Variants in NDUFA12 observed in about 807,000 individuals in gnomAD.
NDUFA12 encodes NADH:ubiquinone oxidoreductase subunit A12.
NDUFA12 carries 17 observed loss-of-function variants against 20.3 expected under a neutral mutation model. That is an observed-to-expected ratio of 0.84 (90% CI 0.57 to 1.26). The LOEUF (loss-of-function observed/expected upper bound fraction) is 1.26, where lower values mean the gene tolerates loss of function less well. Ranked by LOEUF, NDUFA12 falls within the 50% of genes most tolerant of loss-of-function variation. NDUFA12 has a pLI of 0.00. For missense variants in NDUFA12, 191 were observed against 183.7 expected (o/e 1.04, Z -0.23); for synonymous variants, 72 against 63.6 (o/e 1.13, Z -0.63).
intron 2 of NDUFA12, among the ~76,000 whole-genome samples, chr12:94,999,616 C>G (rs1874952584): frequency 6.6e-6 from 1 of 152,042 alleles, no homozygotes; most frequent in Non-Finnish European, 1.5e-5. Context: ...ACAAGGAACT[C>G]ACACAAATCA....
chr12:95,000,912 G>A (rs1377877329), intron 2 of NDUFA12, among the ~76,000 whole-genome samples: 1 of 152,120 alleles, frequency 6.6e-6, no homozygotes, highest in Non-Finnish European at 1.5e-5. Flanking sequence ...AAACCTGCAC[G>A]TTGTGCACAT....
At chr12:94,976,011 C>A (rs552675433) in intron 3 of NDUFA12, among the ~76,000 whole-genome samples, 1 of 151,698 alleles carries the variant, frequency 6.6e-6, no homozygotes, top group Non-Finnish European at 1.5e-5. Context: ...GCCTGGACAG[C>A]GGGGGATCCC....
chr12:94,990,273 A>G (rs531525018), intron 3 of NDUFA12, among the ~76,000 whole-genome samples: 37 of 64,324 alleles, frequency 5.8e-4, no homozygotes, highest in African/African-American at 1.8e-3. Context: ...AGAATGTGGA[A>G]AAAAAAAAAA....
chr12:94,995,549 A>T (rs1197820902), intron 2 of NDUFA12, among the ~76,000 whole-genome samples: 2 of 152,068 alleles, frequency 1.3e-5, no homozygotes, highest in Non-Finnish European at 2.9e-5. Flanking sequence ...TATTTATTGG[A>T]GACGGAGTCT....
chr12:94,996,741 C>A (rs1015992261), intron 2 of NDUFA12, among the ~76,000 whole-genome samples: 1 of 150,850 alleles, frequency 6.6e-6, no homozygotes, highest in Admixed American at 6.6e-5. Flanking sequence ...ATCACTTGAA[C>A]CTGGGAGGTG....
chr12:95,002,238 A>G (rs1479551778), intron 2 of NDUFA12, among the ~76,000 whole-genome samples: 4 of 150,870 alleles, frequency 2.7e-5, no homozygotes, highest in Non-Finnish European at 5.9e-5. Flanking sequence ...TCAGGAGTTC[A>G]AGACCAGCCT....
intron 3 of NDUFA12, among the ~76,000 whole-genome samples, chr12:94,977,186 G>C (rs958792033): frequency 1.3e-5 from 2 of 152,160 alleles, no homozygotes; most frequent in African/African-American, 4.8e-5. Context: ...AATTTATTTA[G>C]AGAAATAATA....
chr12:94,971,394 ATGAAAAGC>A lies in NDUFA12; in HGVS notation c.*38_*45del, dbSNP rs1676358005. The A allele has an allele frequency of 2.1e-5, 33 of 1,568,392 alleles. No homozygotes were observed. The highest frequency in any genetic ancestry group is 2.9e-5 in the Non-Finnish European group (33 of 1,138,766). ...TGGTAAACAGTAAAAGAGTAATTAC[ATGAAAAGC>A]TCCATATTTTGCATGTTTCAACTGT... is the stretch of plus-strand genomic sequence containing the variant. On this transcript the variant is annotated 3_prime_UTR_variant, in exon 4 of 4. Transcript: ENST00000327772.
chr12:94,997,164 G>T (rs7973250), intron 2 of NDUFA12: 104,705 of 226,736 alleles, frequency 0.46, 25,228 homozygotes, highest in African/African-American at 0.6. Context: ...AAAATAGTGA[G>T]ACCTCATCAC....
chr12:94,976,484 A>T (rs1302500536), intron 3 of NDUFA12, among the ~76,000 whole-genome samples: 1 of 152,206 alleles, frequency 6.6e-6, no homozygotes, highest in Non-Finnish European at 1.5e-5. Context: ...ATTTATGCAC[A>T]ACCTCCTGTA....
intron 2 of NDUFA12, among the ~76,000 whole-genome samples, chr12:94,999,118 A>G (rs1313184620): frequency 6.6e-6 from 1 of 152,180 alleles, no homozygotes; most frequent in Non-Finnish European, 1.5e-5. Flanking sequence ...ACACTATGCT[A>G]CCGGTATAAA....
chr12:94,994,074 T>C (rs1874738558), intron 3 of NDUFA12, 96 bp downstream of exon 3: 2 of 1,083,844 alleles, frequency 1.8e-6, no homozygotes, highest in East Asian at 2.5e-5. Flanking sequence ...ACATGAGTCA[T>C]GATCATGTCA....
rs1390526819 is a variant in NDUFA12, at chr12:95,002,798, G to A, written c.110C>T (p.Thr37Ile). The stretch of plus-strand genomic sequence containing the variant: ...TCCATATTTGTCTTCCCCCACTAAT[G>A]TACCAACCTTCGCATCATTTGTCCT... ...FFRTNDAKVG[T>I]LVGEDKYGNK... The change falls in exon 2 of 4, where the codon ACA (threonine) becomes ATA (isoleucine). Residue 37 changes from threonine to isoleucine, a missense_variant. By Grantham distance (89) the Thr-to-Ile change is moderately conservative. Transcript: ENST00000327772. 9 of 1,613,886 alleles carry A rather than the reference G, an allele frequency of 5.6e-6. No individual in the cohort carries two copies. Among genetic ancestry groups the A allele is most frequent in the South Asian group, 1.1e-5 (1 of 91,068 alleles).
At chr12:94,987,693 T>C (rs944054874) in intron 3 of NDUFA12, among the ~76,000 whole-genome samples, 2 of 149,350 alleles carry the variant, frequency 1.3e-5, no homozygotes, top group African/African-American at 5.0e-5. Context: ...CCCACCTACT[T>C]GGGAGGCTGA....
intron 3 of NDUFA12, among the ~76,000 whole-genome samples, chr12:94,977,470 CAAA>C (rs11330323): frequency 2.1e-5 from 3 of 145,908 alleles, no homozygotes; most frequent in Admixed American, 6.8e-5. Flanking sequence ...GACCTTGTGT[CAAA>C]AAAAAAAAAC....
At chr12:94,985,487 C>T (rs1457358949) in intron 3 of NDUFA12, among the ~76,000 whole-genome samples, 1 of 151,702 alleles carries the variant, frequency 6.6e-6, no homozygotes, top group East Asian at 1.9e-4. Flanking sequence ...TTTAGCTGGG[C>T]ATGGTGGTCA....
At position 95,003,449 on chromosome 12, in the gene NDUFA12, T is replaced by C. The variant is rs941812072; in HGVS notation, c.86+146A>G. The C allele has an allele frequency of 1.4e-5, 12 of 851,788 alleles. No homozygotes were observed. In the Admixed American group the frequency reaches 1.9e-4, roughly 14 times the overall value. The allele number at this position is 851,788 out of a possible 1,614,324, so 52.8% of individuals were successfully genotyped here. On this transcript the variant is annotated intron_variant, in intron 1 of 3. Coordinates refer to ENST00000327772, the MANE Select transcript of NDUFA12 (RefSeq NM_018838.5). ...GGGATATATGGGACAGAGACCAGCC[T>C]GGGGGTGGCAAGGCAGAGATTGGGG...
chr12:94,991,589 C>T (rs374403791), intron 3 of NDUFA12, among the ~76,000 whole-genome samples: 1 of 151,552 alleles, frequency 6.6e-6, no homozygotes, highest in Non-Finnish European at 1.5e-5. Context: ...TAGCCAGGTA[C>T]GGTGGCAGGC....
intron 3 of NDUFA12, among the ~76,000 whole-genome samples, chr12:94,989,503 CAA>C (rs1874564865): frequency 6.6e-6 from 1 of 152,154 alleles, no homozygotes; most frequent in Non-Finnish European, 1.5e-5. Context: ...TCACGGTCAA[CAA>C]AGAGGGGTTT....
Sources: allele counts gnomAD v4.1 joint callset (sites outside exome capture counted in the v4.1 genomes callset), GRCh38; gene constraint gnomAD v4.1.1; transcripts MANE v1.5; gene names NCBI Gene and HGNC (gene_info 2026-07-23, HGNC 2026-07-21).